Variants in SLCO1B3 observed in about 807,000 individuals in gnomAD.
The protein encoded by SLCO1B3 is liver-specific organic anion transporter 2.
A neutral mutation model predicts 71.8 loss-of-function variants in SLCO1B3; 72 were observed. The ratio of observed to expected loss-of-function variants is 1.00; its 90% CI spans 0.83 to 1.22. The LOEUF (loss-of-function observed/expected upper bound fraction) is 1.22, where lower values mean the gene tolerates loss of function less well. Ranked by LOEUF, SLCO1B3 falls within the 50% of genes most tolerant of loss-of-function variation. The pLI is 0.00. For synonymous variants in SLCO1B3, 298 were observed against 278.4 expected (o/e 1.07, Z -0.70); for missense variants, 911 against 819.7 (o/e 1.11, Z -1.36).
At chr12:20,854,217 A>C (rs752449002) in intron 3 of SLCO1B3, among the ~76,000 whole-genome samples, 14 of 152,052 alleles carry the variant, frequency 9.2e-5, no homozygotes, top group Non-Finnish European at 1.3e-4. Flanking sequence ...CTGTTAGGTT[A>C]ATTGGTCTAT....
chr12:20,826,222 AGGTAAAACTTTTTTTTTATAATGTC>A, intron 3 of SLCO1B3, among the ~76,000 whole-genome samples: 1 of 71,332 alleles, frequency 1.4e-5, no homozygotes, highest in South Asian at 7.0e-4. Context: ...TAGACCTTTA[AGGTAAAACTTTTTTTTTATAATGTC>A]AGGCCACAAT....
At chr12:20,843,821 A>G (rs1315451298) in intron 3 of SLCO1B3, among the ~76,000 whole-genome samples, 1 of 151,516 alleles carries the variant, frequency 6.6e-6, no homozygotes, top group Non-Finnish European at 1.5e-5. Flanking sequence ...GTACATCCAC[A>G]CTTACTGTTT....
At chr12:20,873,185 A>G (rs548553166) in intron 8 of SLCO1B3, among the ~76,000 whole-genome samples, 3 of 152,280 alleles carry the variant, frequency 2.0e-5, no homozygotes, top group South Asian at 2.1e-4. Flanking sequence ...TTAAATCATC[A>G]TTTTTGTGTT....
At position 20,879,572 on chromosome 12, in the gene SLCO1B3, A is replaced by C. The variant is rs4149143; in HGVS notation, c.1272A>C (p.Leu424=). The C allele has an allele frequency of 6.2e-7, 1 of 1,613,272 alleles. No individual in the cohort carries two copies. The change falls in exon 11 of 16, where the codon CTA becomes CTC. Residue 424 remains leucine (L), a synonymous_variant. Coordinates refer to ENST00000381545, the MANE Select transcript of SLCO1B3 (RefSeq NM_019844.4). Reference sequence around the variant, plus strand: ...TGATATCCTTCTTGTTTCAACTTCTATATTTCCCTCTAATCTGCGAAAGCA... The same window carrying C: ...TGATATCCTTCTTGTTTCAACTTCTCTATTTCCCTCTAATCTGCGAAAGCA... ...TSMISFLFQL[L]YFPLICESKS...
chr12:20,898,252 A>T (rs1201916553), intron 13 of SLCO1B3, among the ~76,000 whole-genome samples, 184 bp from the exon 14 acceptor site: 1 of 152,192 alleles, frequency 6.6e-6, no homozygotes, highest in Admixed American at 6.5e-5. Flanking sequence ...AGAAATTATT[A>T]TTATTATCAC....
At chr12:20,880,248 T>C (rs1326911404) in intron 11 of SLCO1B3, among the ~76,000 whole-genome samples, 2 of 151,096 alleles carry the variant, frequency 1.3e-5, no homozygotes, top group Non-Finnish European at 3.0e-5. Context: ...AGTATTATAG[T>C]TTTATTCAGA....
intron 3 of SLCO1B3, among the ~76,000 whole-genome samples, chr12:20,840,581 C>CG (rs1565584714): frequency 6.6e-6 from 1 of 151,782 alleles, no homozygotes. Flanking sequence ...TTAGTAGAGA[C>CG]GGGGTTTCAC....
chr12:20,905,106 C>T (rs1866215051), intron 15 of SLCO1B3, among the ~76,000 whole-genome samples: 1 of 152,174 alleles, frequency 6.6e-6, no homozygotes, highest in Non-Finnish European at 1.5e-5. Flanking sequence ...CTTGCACCCT[C>T]TGAAGTCATG....
intron 8 of SLCO1B3, among the ~76,000 whole-genome samples, chr12:20,872,080 C>T (rs1417008612): frequency 1.3e-5 from 2 of 152,094 alleles, no homozygotes; most frequent in Non-Finnish European, 1.5e-5. Context: ...ACTATGGCTA[C>T]GCTGGCACCC....
chr12:20,855,136 C>G lies in SLCO1B3; in HGVS notation c.193C>G (p.Leu65Val), dbSNP rs1865107491. Residue 65 changes from leucine to valine, a missense_variant, in exon 4 of 16, where the codon CTT becomes GTT. By Grantham distance (32) the Leu-to-Val change is conservative. Transcript: ENST00000381545. ...AAGGAGATTTGACATATCCTCTTCTCTTGCTGGTTTAATTGATGGAAGCTT... is the reference window on the plus strand; with the variant it reads ...AAGGAGATTTGACATATCCTCTTCTGTTGCTGGTTTAATTGATGGAAGCTT... ...IERRFDISSS[L>V]AGLIDGSFEI... 6.2e-7 allele frequency: 1 copy of G among 1,611,260 alleles called. No individual in the cohort carries two copies. The highest frequency in any genetic ancestry group is 8.5e-7 in the Non-Finnish European group (1 of 1,178,908).
chr12:20,867,751 G>A (rs1205816382), intron 8 of SLCO1B3, among the ~76,000 whole-genome samples: 1 of 152,308 alleles, frequency 6.6e-6, no homozygotes, highest in East Asian at 1.9e-4. Context: ...AACATTTTCA[G>A]AGAAATGATA....
intron 15 of SLCO1B3, among the ~76,000 whole-genome samples, chr12:20,907,779 G>C (rs1051117873): frequency 6.6e-6 from 1 of 151,878 alleles, no homozygotes; most frequent in Admixed American, 6.6e-5. Context: ...AATGTGCTGG[G>C]ATTACAGGAG....
Position 20,822,376 on chromosome 12 carries a change from C to T in SLCO1B3, c.84+6554C>T, listed in dbSNP as rs777451317. 3.4e-5 allele frequency among the ~76,000 whole-genome samples: 5 copies of T among 147,862 alleles called. No individual in the cohort carries two copies. The East Asian group carries it at 9.9e-4, about 29-fold the overall frequency. ...TCAAAGGGGGTTGTTCTCTGGTGGG[C>T]AGGGGCGGGGGTCACAAGGTGCTCG... On this transcript the variant is annotated intron_variant, in intron 3 of 15. Transcript: ENST00000381545.
intron 1 of SLCO1B3, 41 bp downstream of exon 1, chr12:20,810,805 A>G (rs1864098055): frequency 6.6e-6 from 1 of 152,204 alleles, no homozygotes; most frequent in Non-Finnish European, 1.5e-5. Context: ...CATTTCTTTT[A>G]TGTAAGAAAT....
intron 9 of SLCO1B3, among the ~76,000 whole-genome samples, chr12:20,877,552 T>C (rs1037148611): frequency 6.6e-6 from 1 of 152,222 alleles, no homozygotes; most frequent in South Asian, 2.1e-4. Context: ...TATGATTGTA[T>C]AGAAGTTCAG....
intron 3 of SLCO1B3, among the ~76,000 whole-genome samples, chr12:20,828,541 A>T (rs1864474751): frequency 6.6e-6 from 1 of 152,052 alleles, no homozygotes. Flanking sequence ...TGAATGAAAC[A>T]GTCAACTGAG....
At chr12:20,848,807 C>T (rs1183366484) in intron 3 of SLCO1B3, among the ~76,000 whole-genome samples, 1 of 151,898 alleles carries the variant, frequency 6.6e-6, no homozygotes, top group African/African-American at 2.4e-5. Flanking sequence ...GGAATGTGTT[C>T]AGTAGTTGCC....
At chr12:20,893,177 T>A (rs1231877177) in intron 13 of SLCO1B3, among the ~76,000 whole-genome samples, 1 of 151,994 alleles carries the variant, frequency 6.6e-6, no homozygotes, top group Non-Finnish European at 1.5e-5. Flanking sequence ...ATGGCCAAAA[T>A]GGAGAATTTT....
chr12:20,898,401 A>G (rs774540091), intron 13 of SLCO1B3, 35 bp from the exon 14 acceptor site: 1 of 1,342,422 alleles, frequency 7.4e-7, no homozygotes, highest in South Asian at 1.2e-5. Context: ...TTTTTTAATG[A>G]CATGTATTAT....
Sources: gnomAD v4.1 joint callset for allele counts (sites outside exome capture counted in the v4.1 genomes callset) on GRCh38, gnomAD v4.1.1 for gene constraint, MANE v1.5 for transcripts, NCBI Gene and HGNC (gene_info 2026-07-23, HGNC 2026-07-21) for gene names.